FADS1: variants seen among roughly 807,000 people sequenced by gnomAD.
The protein encoded by FADS1 is fatty acid desaturase 1.
In FADS1, 17 loss-of-function variants were observed where a neutral mutation model predicts 61.6. That is an observed-to-expected ratio of 0.28 (90% CI 0.19 to 0.41). The LOEUF is 0.41. Ranked by LOEUF, FADS1 falls within the 10% of genes least tolerant of loss-of-function variation. The pLI is 1.00. For missense variants in FADS1, 387 were observed against 650.9 expected (o/e 0.59, Z 4.41); for synonymous variants, 238 against 258.7 (o/e 0.92, Z 0.77).
Position 61,816,476 on chromosome 11 carries a change from T to C in FADS1, c.375+79A>G, listed in dbSNP as rs1417164064. 1 of 1,601,042 alleles carries C rather than the reference T, an allele frequency of 6.2e-7. No individual in the cohort carries two copies. The highest frequency in any genetic ancestry group is 8.5e-7 in the Non-Finnish European group (1 of 1,179,198). Reference sequence around the variant, plus strand: ...TCCTCCGAATTAGTCGGTGTTTGGCTCGGAGTGCGTAACTCTGTCTCCCCT... The same window carrying C: ...TCCTCCGAATTAGTCGGTGTTTGGCCCGGAGTGCGTAACTCTGTCTCCCCT... On this transcript the variant is annotated intron_variant, in intron 1 of 11. Transcript: ENST00000350997. The surrounding 1 kb of genome is among the most constrained non-coding windows in gnomAD (Gnocchi z 7.0).
chr11:61,816,281 A>T lies in FADS1; in HGVS notation c.375+274T>A, dbSNP rs531859543. On this transcript the variant is annotated intron_variant, in intron 1 of 11. Transcript: ENST00000350997. The surrounding 1 kb of genome is among the most constrained non-coding windows in gnomAD (Gnocchi z 7.0). ...AGAGACCTGAGGCTCGGGGCTGCAG[A>T]TGGAATGCACGGCAGGGAGGCGGGA... is the stretch of plus-strand genomic sequence containing the variant. The T allele has an allele frequency of 1.3e-6, 2 of 1,598,094 alleles. No individual in the cohort carries two copies. Among genetic ancestry groups the T allele is most frequent in the African/African-American group, 1.3e-5 (1 of 74,832 alleles).
chr11:61,810,606 C>T, intron 5 of FADS1, 145 bp downstream of exon 5: 1 of 1,001,574 alleles, frequency 1.0e-6, no homozygotes, highest in Non-Finnish European at 1.5e-6. Context: ...CTGTTGCCTT[C>T]CAGAACTTCC....
At position 61,813,226 on chromosome 11, in the gene FADS1, C is replaced by T. The variant is rs1262909397; in HGVS notation, c.486+17G>A. On this transcript the variant is annotated intron_variant, in intron 2 of 11. Transcript: ENST00000350997. ...TCAACAACCAATAGTTGCGACATAG[C>T]AAACACAGGGTCTTACATTCTTGGT... The T allele has an allele frequency of 2.0e-6, 3 of 1,492,314 alleles. No individual in the cohort carries two copies. The Admixed American group carries it at 5.1e-5, about 25-fold the overall frequency. The allele number at this position is 1,492,314 out of a possible 1,614,324, so 92.4% of individuals were successfully genotyped here.
Position 61,808,696 on chromosome 11 carries a change from G to A in FADS1, c.916-1972C>T, listed in dbSNP as rs148852187. Among the ~76,000 whole-genome samples, 5 of 152,268 alleles carry A rather than the reference G, an allele frequency of 3.3e-5. No homozygotes were observed. In the East Asian group the frequency reaches 5.8e-4, roughly 18 times the overall value. Reference sequence around the variant, plus strand: ...CAATAGGAAGCCCCCAAGCAAGGGCGCCCCTTTTTCAATTTTTTCCTCAGT... The same window carrying A: ...CAATAGGAAGCCCCCAAGCAAGGGCACCCCTTTTTCAATTTTTTCCTCAGT... On this transcript the variant is annotated intron_variant, in intron 5 of 11. Coordinates refer to ENST00000350997, the MANE Select transcript of FADS1 (RefSeq NM_013402.7).
rs949186916 is a variant in FADS1, at chr11:61,816,898, A to C, written c.32T>G (p.Leu11Arg). The change falls in exon 1 of 12, where the codon CTG (leucine) becomes CGG (arginine). Residue 11 changes from leucine (L) to arginine (R), a missense_variant. Physicochemically the swap from Leu to Arg is moderately radical, Grantham distance 102. Transcript: ENST00000350997. This position sits in a 1 kb window ranked among gnomAD's most constrained non-coding sequence, Gnocchi z 7.0. Reference protein sequence around the residue: MGTRAARPAGLPCGAENPARR... With the variant: MGTRAARPAGRPCGAENPARR... ...CGCCGGGTTTTCAGCACCGCAGGGC[A>C]GACCGGCGGGCCTCGCAGCGCGCGT... is the stretch of plus-strand genomic sequence containing the variant. 71 of 1,424,376 alleles carry C rather than the reference A, an allele frequency of 5.0e-5. No individual in the cohort carries two copies. Among genetic ancestry groups the C allele is most frequent in the Non-Finnish European group, 6.4e-5 (70 of 1,101,488 alleles). The allele number at this position is 1,424,376 out of a possible 1,614,324, so 88.2% of individuals were successfully genotyped here. A position where few individuals can be genotyped will look rare whatever the true frequency, so the allele number is the denominator to read the frequency against.
At position 61,812,510 on chromosome 11, in the gene FADS1, C is replaced by G. The variant is rs761329638; in HGVS notation, c.645G>C (p.Leu215Phe). Reference sequence around the variant, plus strand: ...GCAGCACCGCACAGAGGAGGAAGGGCAAAAAGGACGTCCCAAAGACCCAAA... The same window carrying G: ...GCAGCACCGCACAGAGGAGGAAGGGGAAAAAGGACGTCCCAAAGACCCAAA... Reference protein sequence around the residue: ...LTLWVFGTSFLPFLLCAVLLS... With the variant: ...LTLWVFGTSFFPFLLCAVLLS... The change falls in exon 3 of 12, where the codon TTG becomes TTC. Residue 215 changes from leucine to phenylalanine, a missense_variant. Leu to Phe is a conservative substitution (Grantham distance 22). Coordinates refer to ENST00000350997, the MANE Select transcript of FADS1 (RefSeq NM_013402.7). The G allele has an allele frequency of 6.2e-7, 1 of 1,614,004 alleles. No individual in the cohort carries two copies. The highest frequency in any genetic ancestry group is 8.5e-7 in the Non-Finnish European group (1 of 1,179,994).
Position 61,802,706 on chromosome 11 carries a change from C to T in FADS1, c.1454+95G>A. On this transcript the variant is annotated intron_variant, in intron 11 of 11. Coordinates refer to ENST00000350997, the MANE Select transcript of FADS1 (RefSeq NM_013402.7). This position sits in a 1 kb window ranked among gnomAD's most constrained non-coding sequence, Gnocchi z 4.2. ...GAACTCCATCCCACACGACTGGGAACACCTTCTGTTCACTCCCCACCCTAC... is the reference window on the plus strand; with the variant it reads ...GAACTCCATCCCACACGACTGGGAATACCTTCTGTTCACTCCCCACCCTAC... 2 of 1,549,360 alleles carry T rather than the reference C, an allele frequency of 1.3e-6. No individual in the cohort carries two copies. Among genetic ancestry groups the T allele is most frequent in the Non-Finnish European group, 1.8e-6 (2 of 1,128,686 alleles).
rs1383495894 is a variant in FADS1, at chr11:61,802,560, G to A, written c.1455-98C>T. On this transcript the variant is annotated intron_variant, in intron 11 of 11. Transcript: ENST00000350997. This position sits in a 1 kb window ranked among gnomAD's most constrained non-coding sequence, Gnocchi z 4.2. ...GGTTAAGGCCTTCTTCCATCTGGAG[G>A]TTTTCCTCCCCTCTACTTTAGAGAA... is the stretch of plus-strand genomic sequence containing the variant. 2 of 1,312,080 alleles carry A rather than the reference G, an allele frequency of 1.5e-6. No homozygotes were observed. The highest frequency in any genetic ancestry group is 2.1e-6 in the Non-Finnish European group (2 of 931,724). The allele number at this position is 1,312,080 out of a possible 1,614,324, so 81.3% of individuals were successfully genotyped here. A position where few individuals can be genotyped will look rare whatever the true frequency, so the allele number is the denominator to read the frequency against.
At chr11:61,805,796 C>T (rs2066889134) in intron 6 of FADS1, 1 of 152,226 alleles carries the variant, frequency 6.6e-6, no homozygotes, top group Non-Finnish European at 1.5e-5. Context: ...AGTGCAGTGG[C>T]ACAATCGGAG....
In FADS1 at chr11:61,803,410, G is replaced by A; in HGVS notation, c.1201C>T (p.Pro401Ser). 1 of 1,614,138 alleles carries A rather than the reference G, an allele frequency of 6.2e-7. No homozygotes were observed. The highest frequency in any genetic ancestry group is 8.5e-7 in the Non-Finnish European group (1 of 1,179,998). ...FVWVTQMNHIPMHIDHDRNMD... is the reference protein window; with the variant it reads ...FVWVTQMNHISMHIDHDRNMD... Reference sequence around the variant, plus strand: ...TTCCGGTCATGATCAATGTGCATGGGAATATGGTTCATCTGTGTCACCCAC... The same window carrying A: ...TTCCGGTCATGATCAATGTGCATGGAAATATGGTTCATCTGTGTCACCCAC... Residue 401 changes from proline (P) to serine (S), a missense_variant, in exon 9 of 12, where the codon CCC becomes TCC. Around this residue, in one of 2 missense-constraint regions of FADS1, gnomAD observed 257 missense variants for 533.3 expected, o/e 0.48. Transcript: ENST00000350997. The surrounding 1 kb of genome is among the most constrained non-coding windows in gnomAD (Gnocchi z 4.3).
chr11:61,801,825 A>T lies in FADS1; in HGVS notation c.*586T>A, dbSNP rs2066857354. 6.5e-6 allele frequency: 1 copy of T among 153,164 alleles called. No individual in the cohort carries two copies. Among genetic ancestry groups the T allele is most frequent in the Admixed American group, 6.5e-5 (1 of 15,466 alleles). 9.5% of individuals were successfully genotyped at this position (153,164 alleles called of 1,614,324 possible). Reference sequence around the variant, plus strand: ...ATCCCTCTGAGGTTTGCAAATGAGGATGGAGAAGCCACTGAGAAATGGACC... The same window carrying T: ...ATCCCTCTGAGGTTTGCAAATGAGGTTGGAGAAGCCACTGAGAAATGGACC... On this transcript the variant is annotated 3_prime_UTR_variant, in exon 12 of 12. Transcript: ENST00000350997.
intron 5 of FADS1, among the ~76,000 whole-genome samples, chr11:61,809,300 T>A (rs1017327786): frequency 6.6e-6 from 1 of 152,252 alleles, no homozygotes; most frequent in Admixed American, 6.5e-5. Context: ...ATCTGTAAGT[T>A]ACGTTGAACT....
intron 1 of FADS1, among the ~76,000 whole-genome samples, chr11:61,813,948 G>A (rs1402804176): frequency 4.3e-5 from 6 of 139,438 alleles, no homozygotes; most frequent in African/African-American, 1.4e-4. Flanking sequence ...CAGCCTGGGC[G>A]ACAGGGAGAC....
intron 3 of FADS1, among the ~76,000 whole-genome samples, chr11:61,811,489 A>C (rs1000549264): frequency 6.6e-6 from 1 of 151,536 alleles, no homozygotes; most frequent in Non-Finnish European, 1.5e-5. Flanking sequence ...ATTTTTAGTA[A>C]GAGTCGAGGT....
Position 61,803,871 on chromosome 11 carries a change from A to C in FADS1, c.1054-104T>G. The C allele has an allele frequency of 1.2e-6, 1 of 852,108 alleles. No homozygotes were observed. The allele number at this position is 852,108 out of a possible 1,614,324, so 52.8% of individuals were successfully genotyped here. Reference sequence around the variant, plus strand: ...TGCAGCCATTCTCCTGGTTATCCAGACTCACTCATCTTCAGCTTCTCAGGG... The same window carrying C: ...TGCAGCCATTCTCCTGGTTATCCAGCCTCACTCATCTTCAGCTTCTCAGGG... On this transcript the variant is annotated intron_variant, in intron 7 of 11. Coordinates refer to ENST00000350997, the MANE Select transcript of FADS1 (RefSeq NM_013402.7). The surrounding 1 kb of genome is among the most constrained non-coding windows in gnomAD (Gnocchi z 4.3).
At chr11:61,808,330 T>G (rs910497261) in intron 5 of FADS1, among the ~76,000 whole-genome samples, 11 of 137,648 alleles carry the variant, frequency 8.0e-5, no homozygotes, top group Non-Finnish European at 1.4e-4. Flanking sequence ...AGCGAGACTC[T>G]GTCTCAAAAA....
chr11:61,802,981 C>G lies in FADS1; in HGVS notation c.1328+51G>C. 1 of 1,613,858 alleles carries G rather than the reference C, an allele frequency of 6.2e-7. No individual in the cohort carries two copies. On this transcript the variant is annotated intron_variant, in intron 10 of 11. Transcript: ENST00000350997. This position sits in a 1 kb window ranked among gnomAD's most constrained non-coding sequence, Gnocchi z 4.2. Reference sequence around the variant, plus strand: ...CCTGCTTCTCTGCTCCCACCTGTACCCAACACTTACACCCTCCCCAGGACC... The same window carrying G: ...CCTGCTTCTCTGCTCCCACCTGTACGCAACACTTACACCCTCCCCAGGACC...
chr11:61,810,683 C>G, intron 5 of FADS1, 68 bp downstream of exon 5: 1 of 1,584,994 alleles, frequency 6.3e-7, no homozygotes, highest in African/African-American at 1.3e-5. Flanking sequence ...TCGTGGGCAT[C>G]TTCCCCAACT....
At chr11:61,810,705 G>C in intron 5 of FADS1, 46 bp downstream of exon 5, 1 of 1,610,124 alleles carries the variant, frequency 6.2e-7, no homozygotes, top group South Asian at 1.1e-5. Context: ...CCCTATGTTG[G>C]CTGCCTCCTA....
Sources: gnomAD v4.1 joint callset for allele counts (sites outside exome capture counted in the v4.1 genomes callset) on GRCh38, gnomAD v4.1.1 for gene constraint, gnomAD v4.1.1 regional missense constraint, Gnocchi (gnomAD v3.1) non-coding constraint, MANE v1.5 for transcripts, NCBI Gene and HGNC (gene_info 2026-07-23, HGNC 2026-07-21) for gene names.